SEMA5A: variants seen among roughly 807,000 people sequenced by gnomAD.
SEMA5A encodes semaphorin 5A.
A neutral mutation model predicts 135.5 loss-of-function variants in SEMA5A; 55 were observed. The observed-to-expected ratio is 0.41, with a 90% CI of 0.33 to 0.51. SEMA5A has a LOEUF of 0.51. Ranked by LOEUF, SEMA5A falls within the 20% of genes least tolerant of loss-of-function variation. The probability of loss-of-function intolerance (pLI) is 0.37; values close to 1 mark genes in which losing one functional copy is unlikely to be tolerated. For synonymous variants in SEMA5A, 580 were observed against 546.5 expected (o/e 1.06, Z -0.85); for missense variants, 1,290 against 1,419.9 (o/e 0.91, Z 1.47).
intron 13 of SEMA5A, among the ~76,000 whole-genome samples, chr5:9,133,456 A>ATC (rs1741550783): frequency 1.3e-5 from 2 of 152,172 alleles, no homozygotes; most frequent in Non-Finnish European, 2.9e-5. Flanking sequence ...GTGTATCTTG[A>ATC]TATGTGATAA....
chr5:9,398,623 A>G (rs942709472), intron 2 of SEMA5A, among the ~76,000 whole-genome samples: 3 of 152,372 alleles, frequency 2.0e-5, no homozygotes, highest in Admixed American at 2.0e-4. Flanking sequence ...ATTCAGGTAG[A>G]TCAGGTACCA....
At chr5:9,342,880 G>A (rs1753711581) in intron 3 of SEMA5A, among the ~76,000 whole-genome samples, 1 of 151,964 alleles carries the variant, frequency 6.6e-6, no homozygotes, top group Admixed American at 6.6e-5. Context: ...AACCAGCATA[G>A]TTTTTGTGGT....
intron 3 of SEMA5A, among the ~76,000 whole-genome samples, chr5:9,346,912 GTGTA>G (rs58349791): frequency 0.056 from 8,417 of 149,986 alleles, 491 homozygotes; most frequent in African/African-American, 0.15. Flanking sequence ...GTGTGTGTGT[GTGTA>G]TATATATATA....
chr5:9,470,825 G>T (rs1290987579), intron 1 of SEMA5A, among the ~76,000 whole-genome samples: 1 of 152,198 alleles, frequency 6.6e-6, no homozygotes, highest in African/African-American at 2.4e-5. Context: ...GAGCACAAAT[G>T]AGAAATGAAC....
chr5:9,426,112 G>A (rs1439412551), intron 2 of SEMA5A, among the ~76,000 whole-genome samples: 1 of 152,164 alleles, frequency 6.6e-6, no homozygotes, highest in African/African-American at 2.4e-5. Flanking sequence ...AAATATTTCA[G>A]ATTTGGAAAT....
intron 4 of SEMA5A, among the ~76,000 whole-genome samples, chr5:9,335,957 T>G (rs1276527611): frequency 6.6e-6 from 1 of 151,952 alleles, no homozygotes; most frequent in African/African-American, 2.4e-5. Context: ...AAGGGTGACT[T>G]GTCAAGAAAT....
At chr5:9,465,175 C>T (rs1356473174) in intron 1 of SEMA5A, among the ~76,000 whole-genome samples, 2 of 152,208 alleles carry the variant, frequency 1.3e-5, no homozygotes, top group African/African-American at 4.8e-5. Flanking sequence ...GGTATGGGAA[C>T]ACAGTCTCAT....
chr5:9,521,158 C>T (rs1442409512), intron 1 of SEMA5A, among the ~76,000 whole-genome samples: 1 of 152,180 alleles, frequency 6.6e-6, no homozygotes, highest in African/African-American at 2.4e-5. Flanking sequence ...ACCTGTAATC[C>T]CAGCACTTTG....
In SEMA5A at chr5:9,097,624, A is replaced by G. The variant is rs372670784; in HGVS notation, c.2073+10516T>C. 3.3e-5 allele frequency among the ~76,000 whole-genome samples: 5 copies of G among 152,202 alleles called. No individual in the cohort carries two copies. In the East Asian group the frequency reaches 5.8e-4, roughly 18 times the overall value. On this transcript the variant is annotated intron_variant, in intron 16 of 22. Coordinates refer to ENST00000382496, the MANE Select transcript of SEMA5A (RefSeq NM_003966.3). ...CAGGTGATCTCCACCTTTTCTGTAC[A>G]TTGAATGAGCAGAGCTAATATCAAT...
At chr5:9,388,918 G>A (rs1481213218) in intron 2 of SEMA5A, among the ~76,000 whole-genome samples, 1 of 151,550 alleles carries the variant, frequency 6.6e-6, no homozygotes, top group East Asian at 1.9e-4. Context: ...AAGAAAGAAA[G>A]AAAGAAAAAA....
chr5:9,148,645 G>A (rs1164331315), intron 12 of SEMA5A, among the ~76,000 whole-genome samples: 2 of 152,120 alleles, frequency 1.3e-5, no homozygotes, highest in Non-Finnish European at 2.9e-5. Context: ...AAACTGCCAG[G>A]CTACAGCATG....
intron 3 of SEMA5A, among the ~76,000 whole-genome samples, chr5:9,352,817 G>C (rs1178188351): frequency 6.6e-6 from 1 of 152,020 alleles, no homozygotes; most frequent in African/African-American, 2.4e-5. Context: ...CATGCCCATT[G>C]TTTACATATG....
intron 16 of SEMA5A, among the ~76,000 whole-genome samples, chr5:9,081,473 T>C: frequency 6.6e-6 from 1 of 152,210 alleles, no homozygotes; most frequent in Non-Finnish European, 1.5e-5. Context: ...GATAGAGATA[T>C]ATACATCCAG....
chr5:9,179,088 C>A (rs1179715179), intron 11 of SEMA5A, among the ~76,000 whole-genome samples: 1 of 152,098 alleles, frequency 6.6e-6, no homozygotes, highest in African/African-American at 2.4e-5. Context: ...AGTTATAATA[C>A]CATCATCTCA....
chr5:9,046,043 A>G (rs1736232712), intron 21 of SEMA5A: 1 of 152,238 alleles, frequency 6.6e-6, no homozygotes, highest in Admixed American at 6.5e-5. Context: ...GAATTGGGTA[A>G]AGTAAAACAG....
At chr5:9,160,986 C>T (rs1300661457) in intron 11 of SEMA5A, among the ~76,000 whole-genome samples, 1 of 152,108 alleles carries the variant, frequency 6.6e-6, no homozygotes, top group Admixed American at 6.6e-5. Flanking sequence ...GAATTCCAGC[C>T]ACAAGAAATG....
At position 9,040,937 on chromosome 5, in the gene SEMA5A, T is replaced by C. The variant is rs1735930062; in HGVS notation, c.*1960A>G. On this transcript the variant is annotated 3_prime_UTR_variant, in exon 23 of 23. Transcript: ENST00000382496. ...TGAGATGAGTTGAAATATCTGATGA[T>C]GAAAATCCAGCCGAGGAACAATTGG... 1 of 152,234 alleles carries C rather than the reference T, an allele frequency of 6.6e-6. No homozygotes were observed. Among genetic ancestry groups the C allele is most frequent in the African/African-American group, 2.4e-5 (1 of 41,464 alleles). 9.4% of individuals were successfully genotyped at this position (152,234 alleles called of 1,614,324 possible). A position where few individuals can be genotyped will look rare whatever the true frequency, so the allele number is the denominator to read the frequency against.
In SEMA5A at chr5:9,087,186, A is replaced by AC. The variant is rs1738745453; in HGVS notation, c.2074-20541dup. Among the ~76,000 whole-genome samples, 4 of 152,258 alleles carry AC rather than the reference A, an allele frequency of 2.6e-5. No homozygotes were observed. The South Asian group carries it at 6.2e-4, about 24-fold the overall frequency. The stretch of plus-strand genomic sequence containing the variant: ...GTTGCTCACCTGCTCCCTAAATCGG[A>AC]CCCCAATCCTGGCTGCCATTACCGA... On this transcript the variant is annotated intron_variant, in intron 16 of 22. Coordinates refer to ENST00000382496, the MANE Select transcript of SEMA5A (RefSeq NM_003966.3).
intron 1 of SEMA5A, among the ~76,000 whole-genome samples, chr5:9,484,954 G>A (rs775559270): frequency 5.9e-5 from 9 of 152,180 alleles, no homozygotes; most frequent in Non-Finnish European, 1.0e-4. Flanking sequence ...GATACTGGAT[G>A]TGGACCTGAA....
Sources: allele counts gnomAD v4.1 joint callset (sites outside exome capture counted in the v4.1 genomes callset), GRCh38; gene constraint gnomAD v4.1.1; transcripts MANE v1.5; gene names NCBI Gene and HGNC (gene_info 2026-07-23, HGNC 2026-07-21).